The following PLD5 variants were observed in gnomAD, a reference collection of about 807,000 sequenced individuals.
PLD5 encodes phospholipase D family member 5.
In PLD5, 36 loss-of-function variants were observed where a neutral mutation model predicts 61.1. That is an observed-to-expected ratio of 0.59 (90% CI 0.45 to 0.78). PLD5 has a LOEUF of 0.78. Ranked by LOEUF, PLD5 falls within the 30% of genes least tolerant of loss-of-function variation. PLD5 has a pLI of 0.00. For missense variants in PLD5, 515 were observed against 644.4 expected (o/e 0.80, Z 2.17); for synonymous variants, 243 against 242.8 (o/e 1.00, Z -0.01).
chr1:242,196,166 T>C (rs1184652851), intron 5 of PLD5, among the ~76,000 whole-genome samples: 2 of 152,218 alleles, frequency 1.3e-5, no homozygotes, highest in Non-Finnish European at 2.9e-5. Context: ...AATTTGACTT[T>C]CATATTTAAA....
intron 4 of PLD5, among the ~76,000 whole-genome samples, chr1:242,264,309 G>A (rs1291269634): frequency 6.6e-6 from 1 of 152,120 alleles, no homozygotes; most frequent in East Asian, 1.9e-4. Context: ...TCAAACATAC[G>A]ATTATCTCAT....
the PLD5 span, among the ~76,000 whole-genome samples, chr1:242,529,726 C>T: frequency 2.0e-5 from 3 of 151,980 alleles, no homozygotes; most frequent in East Asian, 2.0e-4. Flanking sequence ...ACTGTGAGGT[C>T]GAGGGTCCCA....
intron 3 of PLD5, among the ~76,000 whole-genome samples, chr1:242,270,869 A>T (rs1674023559): frequency 6.6e-6 from 1 of 152,188 alleles, no homozygotes; most frequent in Admixed American, 6.5e-5. Flanking sequence ...CACCTGAAGG[A>T]TGGAAGCCAC....
chr1:242,457,757 C>T (rs1023141826), intron 1 of PLD5, among the ~76,000 whole-genome samples: 3 of 152,194 alleles, frequency 2.0e-5, no homozygotes, highest in Non-Finnish European at 2.9e-5. Flanking sequence ...CCAGGTCCGG[C>T]TCAACCTCTG....
At chr1:242,508,945 G>C (rs913646652) in intron 1 of PLD5, among the ~76,000 whole-genome samples, 26 of 152,100 alleles carry the variant, frequency 1.7e-4, no homozygotes, top group African/African-American at 6.0e-4. Flanking sequence ...GCCAGGCATG[G>C]TGGTGCATGC....
chr1:242,507,308 A>G (rs1476242117), intron 1 of PLD5, among the ~76,000 whole-genome samples: 1 of 152,204 alleles, frequency 6.6e-6, no homozygotes, highest in Non-Finnish European at 1.5e-5. Flanking sequence ...ATGGTACTTC[A>G]TAAACTTTTG....
At chr1:242,442,239 G>GT (rs1338727548) in intron 1 of PLD5, among the ~76,000 whole-genome samples, 3 of 152,044 alleles carry the variant, frequency 2.0e-5, no homozygotes, top group East Asian at 1.9e-4. Context: ...ATGCTTATAT[G>GT]TTTTTTTGTA....
At chr1:242,105,823 G>C (rs1224206304) in intron 8 of PLD5, among the ~76,000 whole-genome samples, 1 of 152,172 alleles carries the variant, frequency 6.6e-6, no homozygotes, top group Non-Finnish European at 1.5e-5. Context: ...TCATTAGAGA[G>C]AGAGAAGTCT....
intron 4 of PLD5, among the ~76,000 whole-genome samples, chr1:242,257,987 T>C (rs769176940): frequency 2.0e-5 from 3 of 152,220 alleles, no homozygotes; most frequent in Non-Finnish European, 4.4e-5. Context: ...CTTTTTTCAC[T>C]TGGGTTGCGA....
intron 5 of PLD5, among the ~76,000 whole-genome samples, chr1:242,149,260 G>A (rs897121428): frequency 3.3e-5 from 5 of 151,724 alleles, no homozygotes; most frequent in Non-Finnish European, 7.4e-5. Flanking sequence ...ATAATTTTAC[G>A]GGTTTGCTTC....
At chr1:242,479,046 G>A (rs1434469564) in intron 1 of PLD5, among the ~76,000 whole-genome samples, 2 of 152,208 alleles carry the variant, frequency 1.3e-5, no homozygotes, top group African/African-American at 2.4e-5. Flanking sequence ...GGAATAAGCT[G>A]TGCTAAAATT....
intron 5 of PLD5, among the ~76,000 whole-genome samples, chr1:242,133,565 G>A (rs1663475397): frequency 6.6e-6 from 1 of 152,150 alleles, no homozygotes. Flanking sequence ...GAAGTGACTT[G>A]CAAGATCACA....
At chr1:242,399,792 G>GAGC (rs1310611027) in intron 1 of PLD5, among the ~76,000 whole-genome samples, 1 of 152,184 alleles carries the variant, frequency 6.6e-6, no homozygotes, top group Non-Finnish European at 1.5e-5. Context: ...CCTCCTGTCA[G>GAGC]AGCAGCAGCA....
chr1:242,355,478 TTTTA>T (rs58022361), intron 1 of PLD5, among the ~76,000 whole-genome samples: 3,724 of 152,152 alleles, frequency 0.024, 49 homozygotes, highest in African/African-American at 0.044. Flanking sequence ...TTATTTTTGA[TTTTA>T]TTTGAGTCTT....
intron 5 of PLD5, among the ~76,000 whole-genome samples, chr1:242,216,258 A>G (rs756042902): frequency 1.7e-4 from 26 of 151,932 alleles, no homozygotes; most frequent in Non-Finnish European, 2.9e-4. Flanking sequence ...ACAGAACCCA[A>G]TGCAAAAAAC....
chr1:242,492,597 C>T (rs543509074), intron 1 of PLD5, among the ~76,000 whole-genome samples: 109 of 151,962 alleles, frequency 7.2e-4, no homozygotes, highest in Middle Eastern at 3.4e-3. Context: ...TATAACAATG[C>T]CATGTATCTG....
intron 2 of PLD5, among the ~76,000 whole-genome samples, chr1:242,331,741 C>T (rs563212314): frequency 1.3e-5 from 2 of 152,152 alleles, no homozygotes; most frequent in African/African-American, 4.8e-5. Flanking sequence ...TAATCTCGGA[C>T]CAAAGTCCGA....
intron 1 of PLD5, among the ~76,000 whole-genome samples, chr1:242,479,946 G>T (rs546990931): frequency 6.6e-6 from 1 of 151,968 alleles, no homozygotes; most frequent in South Asian, 2.1e-4. Flanking sequence ...AGCTACTTGG[G>T]AGGCTGAGGC....
rs576403468 is a variant in PLD5, at chr1:242,108,658, C to G, written c.1071-819G>C. Among the ~76,000 whole-genome samples the G allele has an allele frequency of 2.6e-5, 4 of 152,328 alleles. No individual in the cohort carries two copies. The East Asian group carries it at 5.8e-4, about 22-fold the overall frequency. On this transcript the variant is annotated intron_variant, in intron 7 of 9. Coordinates refer to ENST00000536534, the MANE Select transcript of PLD5 (RefSeq NM_001372062.1). Reference sequence around the variant, plus strand: ...AAGCTTTCCTGTCTTAAGGACCAAGCCTTAAATCACTCTCCCTCCCCTCGG... The same window carrying G: ...AAGCTTTCCTGTCTTAAGGACCAAGGCTTAAATCACTCTCCCTCCCCTCGG...
Sources: gnomAD v4.1 joint callset for allele counts (sites outside exome capture counted in the v4.1 genomes callset) on GRCh38, gnomAD v4.1.1 for gene constraint, MANE v1.5 for transcripts, NCBI Gene and HGNC (gene_info 2026-07-23, HGNC 2026-07-21) for gene names.